The following TMEM200C variants were observed in gnomAD, a reference collection of about 807,000 sequenced individuals.
TMEM200C encodes transmembrane protein 200C.
For missense variants in TMEM200C, 966 were observed against 699.9 expected, an observed-to-expected ratio of 1.38 and a Z score of -4.29; for synonymous variants, 462 against 324.7, an observed-to-expected ratio of 1.42 and a Z score of -4.55.
exon 3 of TMEM200C, chr18:5,883,611 T>C (rs1158018374): frequency 6.6e-6 from 1 of 152,170 alleles, no homozygotes; most frequent in Non-Finnish European, 1.5e-5. Flanking sequence ...TTAACAAAGA[T>C]AAATTATTTA....
chr18:5,890,578 C>A, exon 3 of TMEM200C: 1 of 1,319,614 alleles, frequency 7.6e-7, no homozygotes, highest in Non-Finnish European at 9.7e-7. Context: ...GGGCTGGAGT[C>A]CGGGTCCGCA....
At chr18:5,894,612 G>A (rs962823066) in intron 2 of TMEM200C, among the ~76,000 whole-genome samples, 1 of 152,232 alleles carries the variant, frequency 6.6e-6, no homozygotes, top group Non-Finnish European at 1.5e-5. Context: ...CTCCGCTCAA[G>A]ATGGATTAAG....
chr18:5,890,710 T>A (rs2095169618), exon 3 of TMEM200C: 1 of 487,032 alleles, frequency 2.1e-6, no homozygotes, highest in African/African-American at 2.1e-5. Flanking sequence ...CCCTGCCCCC[T>A]GGCGGCGCGC....
Position 5,891,726 on chromosome 18 carries a change from G to C in TMEM200C, c.338C>G (p.Ser113Cys). ...CCCTGGAGCCCTAGGGTGGCTCCTGGACCGGTTTTTGCTGCCACTGCTACT... is the reference window on the plus strand; with the variant it reads ...CCCTGGAGCCCTAGGGTGGCTCCTGCACCGGTTTTTGCTGCCACTGCTACT... The change falls in exon 3 of 3, where the codon TCC becomes TGC. Residue 113 changes from serine (S) to cysteine (C), a missense_variant. Physicochemically the swap from Ser to Cys is moderately radical, Grantham distance 112. Transcript: ENST00000581347. The surrounding 1 kb of genome is among the most constrained non-coding windows in gnomAD (Gnocchi z 4.7). 3 of 1,612,920 alleles carry C rather than the reference G, an allele frequency of 1.9e-6. No homozygotes were observed. The highest frequency in any genetic ancestry group is 2.5e-6 in the Non-Finnish European group (3 of 1,179,842).
At position 5,890,365 on chromosome 18, in the gene TMEM200C, CG is replaced by C; in HGVS notation, c.1698del (p.Val567PhefsTer37). On this transcript the variant is annotated frameshift_variant, in exon 3 of 3. Transcript: ENST00000581347. LOFTEE classifies it low-confidence loss of function (END_TRUNC). ...GGCGAGCTCTGCTCCGCACCCAGAA[CG>C]GGGGCGGCCACAGCAGAGTCTCGCG... The C allele has an allele frequency of 6.3e-7, 1 of 1,593,276 alleles. No individual in the cohort carries two copies. The highest frequency in any genetic ancestry group is 8.6e-7 in the Non-Finnish European group (1 of 1,167,376).
intron 2 of TMEM200C, 77 bp from the exon 2 acceptor site, chr18:5,892,234 C>G (rs1221240764): frequency 6.0e-6 from 4 of 668,770 alleles, no homozygotes; most frequent in Non-Finnish European, 7.5e-6. Context: ...GCCCTACTCC[C>G]AGATCCCACT....
exon 3 of TMEM200C, chr18:5,889,110 A>T (rs926577433): frequency 6.6e-6 from 1 of 152,246 alleles, no homozygotes. Flanking sequence ...ACTTATAATC[A>T]GTGATAGCCA....
chr18:5,889,534 A>G (rs2095167968), exon 3 of TMEM200C: 1 of 152,212 alleles, frequency 6.6e-6, no homozygotes, highest in African/African-American at 2.4e-5. Flanking sequence ...TCGGAATGTA[A>G]CAGTCCATCT....
chr18:5,893,921 A>C (rs2095173542), intron 2 of TMEM200C, among the ~76,000 whole-genome samples: 1 of 152,190 alleles, frequency 6.6e-6, no homozygotes, highest in African/African-American at 2.4e-5. Context: ...AAACAAAAAA[A>C]AGAGCTTACT....
chr18:5,890,497 C>G, exon 3 of TMEM200C: 7 of 1,543,034 alleles, frequency 4.5e-6, no homozygotes, highest in Non-Finnish European at 6.1e-6. Flanking sequence ...TGGGAGCTCC[C>G]GGAGTCCCGC....
rs950926458 is a variant in TMEM200C at position 5,891,236 on chromosome 18, C to A, written c.828G>T (p.Ala276=). ...GCCACGAGCCCTTGGCCAGCATCGCCGCCGCTCCGAAGGCGTCCCCGGAGC... is the reference window on the plus strand; with the variant it reads ...GCCACGAGCCCTTGGCCAGCATCGCAGCCGCTCCGAAGGCGTCCCCGGAGC... Residue 276 remains alanine (A), a synonymous_variant, in exon 3 of 3, where the codon GCG becomes GCT. Coordinates refer to ENST00000581347, the Ensembl canonical transcript of TMEM200C. The surrounding 1 kb of genome is among the most constrained non-coding windows in gnomAD (Gnocchi z 4.7). 16 of 1,342,708 alleles carry A rather than the reference C, an allele frequency of 1.2e-5. No homozygotes were observed. The African/African-American group carries it at 1.5e-4, about 13-fold the overall frequency. The allele number at this position is 1,342,708 out of a possible 1,614,324, so 83.2% of individuals were successfully genotyped here.
In TMEM200C at chr18:5,891,234, G is replaced by A; in HGVS notation, c.830C>T (p.Ala277Val). 1 of 1,330,854 alleles carries A rather than the reference G, an allele frequency of 7.5e-7. No individual in the cohort carries two copies. The highest frequency in any genetic ancestry group is 9.7e-7 in the Non-Finnish European group (1 of 1,030,140). 82.4% of individuals were successfully genotyped at this position (1,330,854 alleles called of 1,614,324 possible). Residue 277 changes from alanine to valine, a missense_variant, in exon 3 of 3, where the codon GCG becomes GTG. By Grantham distance (64) the Ala-to-Val change is moderately conservative. Transcript: ENST00000581347. The surrounding 1 kb of genome is among the most constrained non-coding windows in gnomAD (Gnocchi z 4.7). Reference sequence around the variant, plus strand: ...AGGCCACGAGCCCTTGGCCAGCATCGCCGCCGCTCCGAAGGCGTCCCCGGA... The same window carrying A: ...AGGCCACGAGCCCTTGGCCAGCATCACCGCCGCTCCGAAGGCGTCCCCGGA...
chr18:5,890,036 G>A (rs1220007501), exon 3 of TMEM200C: 3 of 590,270 alleles, frequency 5.1e-6, no homozygotes, highest in East Asian at 3.2e-5. Flanking sequence ...TTATCTACAG[G>A]AATCTTGTGG....
At chr18:5,895,359 G>C (rs560340870) in exon 2 of TMEM200C, 1 of 151,488 alleles carries the variant, frequency 6.6e-6, no homozygotes, top group African/African-American at 2.4e-5. Flanking sequence ...GCTCCCGGGC[G>C]GGCCCCTGCG....
At chr18:5,886,829 C>T (rs891319139) in exon 3 of TMEM200C, 1 of 151,870 alleles carries the variant, frequency 6.6e-6, no homozygotes, top group Non-Finnish European at 1.5e-5. Context: ...GCTATGTTGC[C>T]TTATACTTTA....
exon 3 of TMEM200C, chr18:5,890,674 A>C (rs1049245038): frequency 3.6e-6 from 2 of 562,462 alleles, no homozygotes; most frequent in Non-Finnish European, 5.4e-6. Flanking sequence ...AAGGCCGCGT[A>C]CCTGCCGGTC....
exon 3 of TMEM200C, chr18:5,890,689 G>C: frequency 1.9e-6 from 1 of 526,138 alleles, no homozygotes; most frequent in Non-Finnish European, 3.0e-6. Flanking sequence ...CCGGTCCTGG[G>C]CAGGCGGCCG....
Position 5,892,159 on chromosome 18 carries a change from T to C in TMEM200C, c.-94-2A>G. The C allele has an allele frequency of 8.2e-7, 1 of 1,214,946 alleles. No individual in the cohort carries two copies. Among genetic ancestry groups the C allele is most frequent in the Non-Finnish European group, 1.1e-6 (1 of 876,646 alleles). 75.3% of individuals were successfully genotyped at this position (1,214,946 alleles called of 1,614,324 possible). ...TAGCTGCTCAGCCACCTCCTCCTGC[T>C]GCAAAGCAGAGGAAGACAGTCAGAG... On this transcript the variant is annotated splice_acceptor_variant, in intron 2 of 2. Transcript: ENST00000581347. LOFTEE classifies it low-confidence loss of function (5UTR_SPLICE).
At chr18:5,890,818 C>A in exon 3 of TMEM200C, 1 of 673,712 alleles carries the variant, frequency 1.5e-6, no homozygotes, top group East Asian at 3.0e-5. Flanking sequence ...TCGAGCTCGC[C>A]CCTCGGGATC....
Sources: gnomAD v4.1 joint callset for allele counts (sites outside exome capture counted in the v4.1 genomes callset) on GRCh38, gnomAD v4.1.1 for gene constraint, Gnocchi (gnomAD v3.1) non-coding constraint, MANE v1.5 for transcripts, NCBI Gene and HGNC (gene_info 2026-07-23, HGNC 2026-07-21) for gene names.